The following GPRASP3 variants were observed in gnomAD, a reference collection of about 807,000 sequenced individuals.
GPRASP3 encodes G protein-coupled receptor associated sorting protein family member 3.
At chrX:102,749,240 G>A in the GPRASP3 span, 2 of 1,211,516 alleles carry the variant, frequency 1.7e-6, no homozygotes, top group African/African-American at 3.5e-5. Flanking sequence ...AAGACTCTGG[G>A]CAAAGCCATG....
the GPRASP3 span, among the ~76,000 whole-genome samples, chrX:102,742,059 T>C: frequency 8.9e-6 from 1 of 112,289 alleles, no homozygotes; most frequent in African/African-American, 3.2e-5. Context: ...AGAAAGGGCA[T>C]TGGAGAAGGA....
chrX:102,726,479 A>G, the GPRASP3 span, among the ~76,000 whole-genome samples: 3 of 111,359 alleles, frequency 2.7e-5, no homozygotes. Flanking sequence ...TTATCAGCCT[A>G]TTCCACCCTT....
At chrX:102,722,250 A>G in the GPRASP3 span, among the ~76,000 whole-genome samples, 1 of 111,531 alleles carries the variant, frequency 9.0e-6, no homozygotes, top group Non-Finnish European at 1.9e-5. Flanking sequence ...ATAATTTGCT[A>G]TAAGGGCCCA....
At chrX:102,746,998 T>C in the GPRASP3 span, among the ~76,000 whole-genome samples, 4 of 112,060 alleles carry the variant, frequency 3.6e-5, no homozygotes, top group African/African-American at 1.3e-4. Context: ...TGTGTGAGAA[T>C]GTGGGTTCCG....
At chrX:102,725,620 A>C in the GPRASP3 span, among the ~76,000 whole-genome samples, 1 of 107,458 alleles carries the variant, frequency 9.3e-6, no homozygotes, top group Non-Finnish European at 1.9e-5. Context: ...TCTGTCTCCC[A>C]AGTTCAAGCG....
At chrX:102,735,366 C>T in the GPRASP3 span, among the ~76,000 whole-genome samples, 1 of 110,911 alleles carries the variant, frequency 9.0e-6, no homozygotes, top group African/African-American at 3.3e-5. Flanking sequence ...GTATAATACC[C>T]CTTTAACTTT....
chrX:102,741,357 T>C, the GPRASP3 span, among the ~76,000 whole-genome samples: 1 of 112,002 alleles, frequency 8.9e-6, no homozygotes, highest in East Asian at 2.8e-4. Flanking sequence ...CAAGGTGCCC[T>C]CCTTCTCCTT....
At chrX:102,750,641 A>G in the GPRASP3 span, 2 of 1,159,377 alleles carry the variant, frequency 1.7e-6, no homozygotes, top group Non-Finnish European at 1.1e-6. Flanking sequence ...ACAATGTAAA[A>G]TGAGCCAGAG....
At chrX:102,721,047 A>T in the GPRASP3 span, 2 of 111,724 alleles carry the variant, frequency 1.8e-5, no homozygotes, top group African/African-American at 6.5e-5. Flanking sequence ...AGGACGGCAG[A>T]TGGCATCCCT....
the GPRASP3 span, among the ~76,000 whole-genome samples, chrX:102,728,569 C>CTTTTT: frequency 3.2e-5 from 2 of 61,784 alleles, no homozygotes; most frequent in Admixed American, 1.9e-4. Context: ...ATGTGCACTG[C>CTTTTT]TTTTTTTTTT....
the GPRASP3 span, among the ~76,000 whole-genome samples, chrX:102,722,258 C>T: frequency 1.8e-5 from 2 of 111,264 alleles, no homozygotes; most frequent in African/African-American, 6.6e-5. Context: ...CTATAAGGGC[C>T]CACAGAACTC....
chrX:102,746,876 T>C, the GPRASP3 span, among the ~76,000 whole-genome samples: 1 of 112,646 alleles, frequency 8.9e-6, no homozygotes, highest in African/African-American at 3.2e-5. Flanking sequence ...GGTGTGGACT[T>C]AGTCGAATTT....
the GPRASP3 span, chrX:102,746,181 G>C: frequency 1.8e-5 from 2 of 111,687 alleles, no homozygotes; most frequent in South Asian, 7.6e-4. Context: ...GAAGGCAAGT[G>C]GGGGTGCGTG....
the GPRASP3 span, among the ~76,000 whole-genome samples, chrX:102,726,911 C>T: frequency 8.9e-6 from 1 of 112,306 alleles, no homozygotes; most frequent in African/African-American, 3.2e-5. Flanking sequence ...GAGCAGAAGC[C>T]AAACAGTTGT....
chrX:102,740,833 GAA>G, the GPRASP3 span, among the ~76,000 whole-genome samples: 23 of 100,262 alleles, frequency 2.3e-4, no homozygotes, highest in African/African-American at 7.3e-4. Flanking sequence ...ACAAGAAAAA[GAA>G]AGAGAAGAAA....
the GPRASP3 span, chrX:102,750,375 C>T: frequency 5.8e-6 from 7 of 1,201,605 alleles, no homozygotes; most frequent in South Asian, 7.3e-5. Flanking sequence ...ATTGCAAAAC[C>T]AGAAATCTTG....
At chrX:102,732,299 G>C in the GPRASP3 span, among the ~76,000 whole-genome samples, 2 of 112,253 alleles carry the variant, frequency 1.8e-5, no homozygotes, top group African/African-American at 6.5e-5. Context: ...ACGTCATTCC[G>C]TGGATTGGTG....
the GPRASP3 span, among the ~76,000 whole-genome samples, chrX:102,728,884 G>C: frequency 1.8e-5 from 2 of 111,719 alleles, no homozygotes; most frequent in Non-Finnish European, 3.8e-5. Context: ...ACATTTCTTA[G>C]ATTCTTCAAA....
the GPRASP3 span, among the ~76,000 whole-genome samples, chrX:102,727,340 T>G: frequency 1.8e-4 from 20 of 112,184 alleles, no homozygotes; most frequent in Admixed American, 1.9e-3. Flanking sequence ...AAGACAATCT[T>G]TTCTGATGAC....
Sources: allele counts gnomAD v4.1 joint callset (sites outside exome capture counted in the v4.1 genomes callset), GRCh38; gene constraint gnomAD v4.1.1; transcripts MANE v1.5; gene names NCBI Gene and HGNC (gene_info 2026-07-23, HGNC 2026-07-21).